KIF3B: variants seen among roughly 807,000 people sequenced by gnomAD.
The protein encoded by KIF3B is kinesin family member 3B.
KIF3B carries 38 observed loss-of-function variants against 74.3 expected under a neutral mutation model. The ratio of observed to expected loss-of-function variants is 0.51; its 90% confidence interval spans 0.39 to 0.67. KIF3B has a LOEUF of 0.67. Ranked by LOEUF, KIF3B falls within the 30% of genes least tolerant of loss-of-function variation. KIF3B has a pLI of 0.00. For synonymous variants in KIF3B, 326 were observed against 342.5 expected (o/e 0.95, Z 0.53); for missense variants, 649 against 932.0 (o/e 0.70, Z 3.95).
intron 5 of KIF3B, among the ~76,000 whole-genome samples, chr20:32,321,750 A>T (rs62208772): frequency 6.6e-6 from 1 of 152,150 alleles, no homozygotes; most frequent in Non-Finnish European, 1.5e-5. Flanking sequence ...GCATAAAGCA[A>T]GTCTGTTGGC....
chr20:32,296,426 C>T (rs545225468), intron 1 of KIF3B, among the ~76,000 whole-genome samples: 1 of 152,102 alleles, frequency 6.6e-6, no homozygotes, highest in Admixed American at 6.6e-5. Context: ...ATGGCGAAAC[C>T]CTTTCTCTAC....
chr20:32,284,122 G>C (rs1161665612), intron 1 of KIF3B, among the ~76,000 whole-genome samples: 1 of 151,092 alleles, frequency 6.6e-6, no homozygotes, highest in African/African-American at 2.4e-5. Context: ...TTTATTTTTT[G>C]TAGAGATGGG....
chr20:32,323,542 C>G (rs986804916), intron 5 of KIF3B, among the ~76,000 whole-genome samples: 4 of 151,678 alleles, frequency 2.6e-5, no homozygotes, highest in East Asian at 1.9e-4. Context: ...TGGGACTACT[C>G]GAGTAGTGAG....
At chr20:32,317,034 G>A (rs1171420764) in intron 5 of KIF3B, among the ~76,000 whole-genome samples, 160 bp downstream of exon 5, 3 of 152,160 alleles carry the variant, frequency 2.0e-5, no homozygotes, top group Non-Finnish European at 2.9e-5. Context: ...TCAGGAGTTC[G>A]AGACCAGCCT....
chr20:32,287,213 A>G (rs1011645450), intron 1 of KIF3B, among the ~76,000 whole-genome samples: 2 of 152,092 alleles, frequency 1.3e-5, no homozygotes, highest in Non-Finnish European at 2.9e-5. Flanking sequence ...ACAGGGTCTC[A>G]CTATGTTGCT....
rs189723207 is a variant in KIF3B, at chr20:32,290,038, T to C, written c.-66+12273T>C. Among the ~76,000 whole-genome samples, 3 of 152,238 alleles carry C rather than the reference T, an allele frequency of 2.0e-5. No homozygotes were observed. In the East Asian group the frequency reaches 5.8e-4, roughly 29 times the overall value. On this transcript the variant is annotated intron_variant, in intron 1 of 8. Transcript: ENST00000375712. ...CCCCAAGCAGCAGGTGTTAGTGATA[T>C]TCCCATTTTACAGATGAGGAAATCA...
rs577134600 is a variant in KIF3B, at chr20:32,307,197, A to G, written c.-65-2516A>G. Among the ~76,000 whole-genome samples, 15 of 152,222 alleles carry G rather than the reference A, an allele frequency of 9.9e-5. No homozygotes were observed. In the South Asian group the frequency reaches 2.9e-3, roughly 29 times the overall value. ...CCTACCAGAGTGGTACGTTTGTTAT[A>G]AGCAACAGACCTGCATTGACACATT... On this transcript the variant is annotated intron_variant, in intron 1 of 8. Coordinates refer to ENST00000375712, the MANE Select transcript of KIF3B (RefSeq NM_004798.4).
At chr20:32,282,345 A>T (rs1474905763) in intron 1 of KIF3B, among the ~76,000 whole-genome samples, 1 of 152,318 alleles carries the variant, frequency 6.6e-6, no homozygotes, top group African/African-American at 2.4e-5. Context: ...TAGAGATGCC[A>T]TCTGCCTCTG....
At chr20:32,295,216 T>G (rs549087988) in intron 1 of KIF3B, among the ~76,000 whole-genome samples, 45 of 152,282 alleles carry the variant, frequency 3.0e-4, no homozygotes, top group African/African-American at 1.1e-3. Context: ...ATATGTTCTT[T>G]CTGTAAGGGA....
intron 1 of KIF3B, among the ~76,000 whole-genome samples, chr20:32,294,941 A>G (rs1362240505): frequency 6.6e-6 from 1 of 152,180 alleles, no homozygotes; most frequent in African/African-American, 2.4e-5. Flanking sequence ...ATTTTTAATG[A>G]CTTCATAGTT....
intron 2 of KIF3B, among the ~76,000 whole-genome samples, chr20:32,315,931 TG>T (rs1262996184): frequency 3.3e-5 from 5 of 151,866 alleles, no homozygotes; most frequent in African/African-American, 1.2e-4. Context: ...ATGTTCTAAG[TG>T]GGGTTAATAC....
intron 1 of KIF3B, among the ~76,000 whole-genome samples, chr20:32,297,836 T>C (rs1479649521): frequency 6.6e-6 from 1 of 152,098 alleles, no homozygotes; most frequent in East Asian, 1.9e-4. Flanking sequence ...GGCCGGGTGC[T>C]GTGGCTCACG....
At chr20:32,296,055 G>T (rs1368913998) in intron 1 of KIF3B, among the ~76,000 whole-genome samples, 1 of 151,242 alleles carries the variant, frequency 6.6e-6, no homozygotes, top group Non-Finnish European at 1.5e-5. Context: ...AGTAGAGACG[G>T]GGTTTCACCG....
intron 1 of KIF3B, among the ~76,000 whole-genome samples, chr20:32,306,085 TGAAAA>T (rs1383801256): frequency 7.6e-5 from 9 of 119,028 alleles, no homozygotes; most frequent in Admixed American, 8.4e-5. Context: ...AGACTCCATC[TGAAAA>T]AAAAAAAAAA....
intron 5 of KIF3B, among the ~76,000 whole-genome samples, chr20:32,325,890 A>G (rs2047901767): frequency 6.6e-6 from 1 of 150,496 alleles, no homozygotes; most frequent in Non-Finnish European, 1.5e-5. Flanking sequence ...CTGTTCTCGA[A>G]CTCCTGACCT....
chr20:32,329,524 A>G (rs527523745), intron 7 of KIF3B, among the ~76,000 whole-genome samples: 1 of 152,146 alleles, frequency 6.6e-6, no homozygotes, highest in African/African-American at 2.4e-5. Context: ...TGTGCTGGGC[A>G]TTGTACCCAG....
chr20:32,326,237 C>T (rs1176085062), intron 5 of KIF3B, among the ~76,000 whole-genome samples: 1 of 152,192 alleles, frequency 6.6e-6, no homozygotes, highest in Non-Finnish European at 1.5e-5. Context: ...GGTCTTCATT[C>T]TCAGGGGCTG....
rs200967695 is a variant in KIF3B at position 32,322,062 on chromosome 20, GAT to G, written c.1749-4706_1749-4705del. 6.1e-4 allele frequency among the ~76,000 whole-genome samples: 93 copies of G among 152,152 alleles called. 3 individuals carry two copies. The East Asian group carries it at 0.017, about 28-fold the overall frequency. On this transcript the variant is annotated intron_variant, in intron 5 of 8. Transcript: ENST00000375712. ...TGCAAACAAAGCCAGCTGGGATTTT[GAT>G]ATTGATCACATTGAATCTGTAGATC...
At chr20:32,325,572 A>G (rs376206647) in intron 5 of KIF3B, among the ~76,000 whole-genome samples, 211 of 151,418 alleles carry the variant, frequency 1.4e-3, no homozygotes, top group African/African-American at 4.8e-3. Context: ...ATAGTTTCTG[A>G]AATGTCAAAG....
Sources: allele counts gnomAD v4.1 joint callset (sites outside exome capture counted in the v4.1 genomes callset), GRCh38; gene constraint gnomAD v4.1.1; transcripts MANE v1.5; gene names NCBI Gene and HGNC (gene_info 2026-07-23, HGNC 2026-07-21).